The following CLPB variants were observed in gnomAD, a reference collection of about 807,000 sequenced individuals.
CLPB encodes the protein mitochondrial disaggregase.
CLPB carries 40 observed loss-of-function variants against 78.4 expected under a neutral mutation model. That is an observed-to-expected ratio of 0.51 (90% CI 0.40 to 0.66). The LOEUF (loss-of-function observed/expected upper bound fraction) is 0.66. Among genes scored for constraint, CLPB ranks in the 30% least tolerant of loss-of-function variants. The pLI, the probability that CLPB is intolerant of heterozygous loss-of-function variation, is 0.00. For missense variants in CLPB, 780 were observed against 886.9 expected, an observed-to-expected ratio of 0.88 and a Z score of 1.53; for synonymous variants, 333 against 348.0, an observed-to-expected ratio of 0.96 and a Z score of 0.48.
intron 12 of CLPB, among the ~76,000 whole-genome samples, chr11:72,295,282 G>A (rs1370717018): frequency 6.6e-6 from 1 of 152,192 alleles, no homozygotes; most frequent in African/African-American, 2.4e-5. Flanking sequence ...TCACCCAACA[G>A]ACTTGAGGCT....
chr11:72,339,451 CT>C (rs1351235008), intron 5 of CLPB, among the ~76,000 whole-genome samples: 8 of 152,296 alleles, frequency 5.3e-5, no homozygotes, highest in Non-Finnish European at 1.2e-4. Flanking sequence ...CAGATTTTGG[CT>C]AAATTTCTAA....
intron 4 of CLPB, among the ~76,000 whole-genome samples, chr11:72,374,455 C>CT (rs1441133819): frequency 6.6e-6 from 1 of 152,182 alleles, no homozygotes; most frequent in African/African-American, 2.4e-5. Flanking sequence ...AGATGCCACT[C>CT]TGAGGGCTGG....
chr11:72,362,833 A>C (rs532709799), intron 4 of CLPB, among the ~76,000 whole-genome samples: 8 of 152,320 alleles, frequency 5.3e-5, no homozygotes, highest in Admixed American at 5.2e-4. Flanking sequence ...AATCCTGCAT[A>C]TACTTTCCTC....
chr11:72,319,721 A>G (rs1048541870), intron 6 of CLPB, among the ~76,000 whole-genome samples: 1 of 152,206 alleles, frequency 6.6e-6, no homozygotes, highest in Non-Finnish European at 1.5e-5. Flanking sequence ...GCATTAATAT[A>G]TAAGTTCTTA....
At chr11:72,431,934 T>C (rs1421408960) in intron 1 of CLPB, among the ~76,000 whole-genome samples, 3 of 152,194 alleles carry the variant, frequency 2.0e-5, no homozygotes, top group Non-Finnish European at 4.4e-5. Flanking sequence ...CTGGAGTTCA[T>C]AGGCCATAAA....
intron 4 of CLPB, chr11:72,373,106 T>C: frequency 5.5e-6 from 6 of 1,088,468 alleles, no homozygotes; most frequent in Middle Eastern, 2.3e-4. Flanking sequence ...CTGGTGGGGT[T>C]GTTCCAAGCC....
At chr11:72,334,239 G>A (rs977789074) in intron 5 of CLPB, among the ~76,000 whole-genome samples, 1 of 152,186 alleles carries the variant, frequency 6.6e-6, no homozygotes, top group African/African-American at 2.4e-5. Flanking sequence ...TAAAGGATGG[G>A]ATGGGGACAG....
intron 7 of CLPB, among the ~76,000 whole-genome samples, chr11:72,314,872 C>T (rs1360724241): frequency 6.6e-6 from 1 of 152,112 alleles, no homozygotes; most frequent in African/African-American, 2.4e-5. Flanking sequence ...CAGCACAAAG[C>T]AGGGAGCAGC....
At chr11:72,375,303 T>C (rs925535326) in intron 4 of CLPB, among the ~76,000 whole-genome samples, 1 of 152,170 alleles carries the variant, frequency 6.6e-6, no homozygotes, top group African/African-American at 2.4e-5. Context: ...TTAAAATCCT[T>C]TAACGGCCTT....
In CLPB at chr11:72,290,152, T is replaced by G. The variant is rs188876712; in HGVS notation, c.*3215A>C. ...AGAATGACTGATGCCAGGGCTGAGA[T>G]AGGGAAAATGTGAGGAAGCCTGAAA... On this transcript the variant is annotated 3_prime_UTR_variant, in exon 16 of 16. Transcript: ENST00000538039. 3.3e-5 allele frequency: 5 copies of G among 152,094 alleles called. No individual in the cohort carries two copies. Among genetic ancestry groups the G allele is most frequent in the African/African-American group, 1.2e-4 (5 of 41,412 alleles). The allele number at this position is 152,094 out of a possible 1,614,324, so 9.4% of individuals were successfully genotyped here.
At chr11:72,330,653 G>A (rs1026709944) in intron 5 of CLPB, among the ~76,000 whole-genome samples, 8 of 152,170 alleles carry the variant, frequency 5.3e-5, no homozygotes, top group South Asian at 2.1e-4. Flanking sequence ...CATTCAAGTC[G>A]GCAGACCCTG....
chr11:72,433,933 G>A (rs1315793640), intron 1 of CLPB, 139 bp downstream of exon 1: 7 of 1,067,424 alleles, frequency 6.6e-6, no homozygotes, highest in Non-Finnish European at 2.7e-6. Flanking sequence ...CCCTGCCCCT[G>A]TAACCAGATG....
chr11:72,402,758 T>G (rs979758527), intron 3 of CLPB, among the ~76,000 whole-genome samples: 7 of 152,236 alleles, frequency 4.6e-5, no homozygotes, highest in African/African-American at 1.7e-4. Flanking sequence ...AGCCAATGAC[T>G]GAGGGAGCTG....
chr11:72,332,460 G>A (rs1227651321), intron 5 of CLPB, among the ~76,000 whole-genome samples: 1 of 152,112 alleles, frequency 6.6e-6, no homozygotes, highest in Non-Finnish European at 1.5e-5. Flanking sequence ...CTGCACTCCA[G>A]TCTGGGCAAC....
In CLPB at chr11:72,434,123, G is replaced by A. The variant is rs545165153; in HGVS notation, c.352C>T (p.Leu118=). The A allele has an allele frequency of 1.6e-5, 25 of 1,612,136 alleles. No individual in the cohort carries two copies. Among genetic ancestry groups the A allele is most frequent in the Non-Finnish European group, 2.0e-5 (24 of 1,180,012 alleles). ...PSRAGLGMCA[L]AAALVVHCYS... is the part of the protein sequence containing the mutation. ...CAATGAACCACCAGCGCTGCGGCCAGGGCGCACATGCCCAGTCCGGCCCTG... is the reference window on the plus strand; with the variant it reads ...CAATGAACCACCAGCGCTGCGGCCAAGGCGCACATGCCCAGTCCGGCCCTG... Residue 118 remains leucine (L), a synonymous_variant, in exon 1 of 16, where the codon CTG becomes TTG. Coordinates refer to ENST00000538039, the MANE Select transcript of CLPB (RefSeq NM_001258392.3).
chr11:72,296,290 C>T (rs919132643), intron 11 of CLPB, among the ~76,000 whole-genome samples: 3 of 152,176 alleles, frequency 2.0e-5, no homozygotes, highest in African/African-American at 7.2e-5. Flanking sequence ...CCTCTTTTAT[C>T]TTTGGAGCTG....
intron 9 of CLPB, chr11:72,304,208 GAACAA>G (rs1222765132): frequency 6.6e-6 from 1 of 152,226 alleles, no homozygotes; most frequent in African/African-American, 2.4e-5. Flanking sequence ...AGTGAGGCAA[GAACAA>G]TAAGAGTAAC....
Position 72,300,654 on chromosome 11 carries a change from T to C in CLPB, c.1329+1149A>G, listed in dbSNP as rs969892530. On this transcript the variant is annotated intron_variant, in intron 11 of 15. Coordinates refer to ENST00000538039, the MANE Select transcript of CLPB (RefSeq NM_001258392.3). ...TGGATCTTCCTGGCTTGGTACCTGA[T>C]GTGCTGTTCGGTCTGGAGGAGTCCC... Among the ~76,000 whole-genome samples the C allele has an allele frequency of 2.6e-5, 4 of 152,176 alleles. No homozygotes were observed. The East Asian group carries it at 5.8e-4, about 22-fold the overall frequency.
intron 2 of CLPB, among the ~76,000 whole-genome samples, chr11:72,413,895 G>A (rs1222444568): frequency 2.0e-5 from 3 of 152,182 alleles, no homozygotes; most frequent in Admixed American, 1.3e-4. Flanking sequence ...GGCACTCAGG[G>A]TACTGTGATG....
Sources: gnomAD v4.1 joint callset for allele counts (sites outside exome capture counted in the v4.1 genomes callset) on GRCh38, gnomAD v4.1.1 for gene constraint, MANE v1.5 for transcripts, NCBI Gene and HGNC (gene_info 2026-07-23, HGNC 2026-07-21) for gene names.